Variants in IQCE observed in about 807,000 individuals in gnomAD.
IQCE encodes IQ domain-containing protein E.
IQCE carries 115 observed loss-of-function variants against 96.0 expected under a neutral mutation model. That is an observed-to-expected ratio of 1.20 (90% CI 1.03 to 1.40). The LOEUF (loss-of-function observed/expected upper bound fraction) is 1.40, where lower values mean the gene tolerates loss of function less well. Ranked by LOEUF, IQCE falls within the 40% of genes most tolerant of loss-of-function variation. IQCE has a pLI of 0.00. For missense variants in IQCE, 1,041 were observed against 909.1 expected (o/e 1.15, Z -1.87); for synonymous variants, 412 against 371.2 (o/e 1.11, Z -1.26).
Position 2,607,212 on chromosome 7 carries a change from C to T in IQCE, c.1954C>T (p.Leu652Phe), listed in dbSNP as rs1784901373. 1.2e-6 allele frequency: 2 copies of T among 1,613,922 alleles called. No individual in the cohort carries two copies. The highest frequency in any genetic ancestry group is 4.5e-5 in the East Asian group (2 of 44,844). Residue 652 changes from leucine (L) to phenylalanine (F), a missense_variant, in exon 21 of 22, where the codon CTC becomes TTC. Leu to Phe is a conservative substitution (Grantham distance 22, BLOSUM62 0). Transcript: ENST00000402050. ...CGGGGACGCCTCCTCCCCACCCTTCCTCGCAGCTCTTCCTGGTAATTTCAT... is the reference window on the plus strand; with the variant it reads ...CGGGGACGCCTCCTCCCCACCCTTCTTCGCAGCTCTTCCTGGTAATTTCAT... Reference protein sequence around the residue: ...THGDASSPPFLAALPDPSPSG... With the variant: ...THGDASSPPFFAALPDPSPSG...
intron 17 of IQCE, among the ~76,000 whole-genome samples, chr7:2,600,099 T>C (rs1784335306): frequency 6.6e-6 from 1 of 152,218 alleles, no homozygotes; most frequent in African/African-American, 2.4e-5. Context: ...TGGCCTTTTT[T>C]TTTTTCTTTT....
At chr7:2,577,124 C>G (rs1223720489) in intron 6 of IQCE, among the ~76,000 whole-genome samples, 1 of 152,240 alleles carries the variant, frequency 6.6e-6, no homozygotes, top group Non-Finnish European at 1.5e-5. Flanking sequence ...CCACCCACCA[C>G]ACACAGAGCC....
intron 18 of IQCE, 34 bp from the exon 19 acceptor site, chr7:2,604,847 C>T (rs553695161): frequency 4.5e-6 from 7 of 1,558,576 alleles, no homozygotes; most frequent in African/African-American, 4.1e-5. Context: ...GGCACTCACA[C>T]CCACTTTTCT....
At position 2,614,422 on chromosome 7, in the gene IQCE, C is replaced by A. The variant is rs984627010; in HGVS notation, c.*4260C>A. The A allele has an allele frequency of 1.3e-5, 2 of 152,238 alleles. No homozygotes were observed. The highest frequency in any genetic ancestry group is 1.5e-5 in the Non-Finnish European group (1 of 68,056). The allele number at this position is 152,238 out of a possible 1,614,324, so 9.4% of individuals were successfully genotyped here. On this transcript the variant is annotated 3_prime_UTR_variant, in exon 22 of 22. Coordinates refer to ENST00000402050, the MANE Select transcript of IQCE (RefSeq NM_152558.5). Reference sequence around the variant, plus strand: ...CTATTTCTCAAGGCTCCCACCTCGCCAAGCTCCCAAGGGCCTGCTGGCAGT... The same window carrying A: ...CTATTTCTCAAGGCTCCCACCTCGCAAAGCTCCCAAGGGCCTGCTGGCAGT...
intron 21 of IQCE, among the ~76,000 whole-genome samples, chr7:2,608,573 G>A (rs562006083): frequency 6.5e-4 from 99 of 152,304 alleles, no homozygotes; most frequent in Non-Finnish European, 1.2e-3. Flanking sequence ...GTACAGACAC[G>A]CAAAGCGGTC....
chr7:2,572,301 A>T lies in IQCE; in HGVS notation c.369A>T (p.Pro123=). ...CLTDTFRVKR[P]HLRRSASNGH... ...CAGACACCTTCAGAGTGAAGAGGCC[A>T]CATCTCAGGCGCTCTGCCAGCAACG... Residue 123 remains proline (P), a synonymous_variant, in exon 5 of 22, where the codon CCA becomes CCT. Transcript: ENST00000402050. 1 of 1,614,130 alleles carries T rather than the reference A, an allele frequency of 6.2e-7. No individual in the cohort carries two copies. Among genetic ancestry groups the T allele is most frequent in the African/African-American group, 1.3e-5 (1 of 75,078 alleles).
At chr7:2,605,726 T>C (rs1400318520) in intron 19 of IQCE, 150 bp from the exon 20 acceptor site, 2 of 649,776 alleles carry the variant, frequency 3.1e-6, no homozygotes, top group East Asian at 6.9e-5. Flanking sequence ...GGCTGTTCAC[T>C]GACCAGCAAT....
At chr7:2,571,792 T>C (rs958198003) in intron 4 of IQCE, 138 bp downstream of exon 4, 4 of 994,882 alleles carry the variant, frequency 4.0e-6, no homozygotes, top group South Asian at 1.6e-5. Context: ...ACATCAAATA[T>C]ACACATCGTA....
chr7:2,581,545 A>T (rs1007914704), intron 8 of IQCE, among the ~76,000 whole-genome samples: 2 of 151,770 alleles, frequency 1.3e-5, no homozygotes, highest in East Asian at 2.0e-4. Context: ...TCCAATTTAA[A>T]AGTTGTCTGT....
intron 11 of IQCE, among the ~76,000 whole-genome samples, chr7:2,585,596 GA>G (rs1198949182): frequency 2.6e-5 from 4 of 152,240 alleles, no homozygotes; most frequent in African/African-American, 9.6e-5. Flanking sequence ...ACAGAAACGT[GA>G]GAGCCACAGC....
At chr7:2,592,191 C>T (rs550547867) in intron 14 of IQCE, among the ~76,000 whole-genome samples, 3 of 152,334 alleles carry the variant, frequency 2.0e-5, no homozygotes, top group South Asian at 4.1e-4. Flanking sequence ...AAGGCCAACC[C>T]GTCACCACTG....
At chr7:2,567,898 G>C (rs533045275) in intron 2 of IQCE, among the ~76,000 whole-genome samples, 11 of 152,282 alleles carry the variant, frequency 7.2e-5, no homozygotes, top group Admixed American at 6.5e-4. Flanking sequence ...GGCAGGGGAT[G>C]CTCCTCTGAT....
intron 17 of IQCE, 69 bp downstream of exon 17, chr7:2,598,701 C>T: frequency 7.3e-7 from 1 of 1,368,124 alleles, no homozygotes; most frequent in Middle Eastern, 2.7e-4. Context: ...GCCACTCACT[C>T]TCCAGGAATG....
At chr7:2,576,901 G>A (rs561890439) in intron 6 of IQCE, among the ~76,000 whole-genome samples, 2 of 152,290 alleles carry the variant, frequency 1.3e-5, no homozygotes, top group Non-Finnish European at 2.9e-5. Context: ...GGGAGAAAAC[G>A]CGTGGTGCGG....
At position 2,613,564 on chromosome 7, in the gene IQCE, A is replaced by G. The variant is rs1263990495; in HGVS notation, c.*3402A>G. On this transcript the variant is annotated 3_prime_UTR_variant, in exon 22 of 22. Transcript: ENST00000402050. ...TACCAAACTGAATCCAGGCAGTGCC[A>G]TGACCCTGGGTGTCCCTTGGTTCAC... is the stretch of plus-strand genomic sequence containing the variant. 1.3e-5 allele frequency: 2 copies of G among 152,316 alleles called. No individual in the cohort carries two copies. Among genetic ancestry groups the G allele is most frequent in the Non-Finnish European group, 2.9e-5 (2 of 68,058 alleles). 9.4% of individuals were successfully genotyped at this position (152,316 alleles called of 1,614,324 possible).
At chr7:2,606,903 A>C (rs937777153) in intron 20 of IQCE, among the ~76,000 whole-genome samples, 3 of 152,092 alleles carry the variant, frequency 2.0e-5, no homozygotes, top group Admixed American at 2.0e-4. Context: ...ATGGTCCCCG[A>C]GGAGATGGAC....
At chr7:2,606,754 G>C (rs576136935) in intron 20 of IQCE, among the ~76,000 whole-genome samples, 1 of 152,280 alleles carries the variant, frequency 6.6e-6, no homozygotes, top group African/African-American at 2.4e-5. Context: ...CCTGGGCGGC[G>C]AGCCCCAGCC....
intron 16 of IQCE, 90 bp downstream of exon 16, chr7:2,595,066 C>G: frequency 2.3e-6 from 2 of 872,372 alleles, no homozygotes; most frequent in Non-Finnish European, 3.9e-6. Flanking sequence ...AGAGTTTTTT[C>G]TGACCAGCCA....
rs146511431 is a variant in IQCE at position 2,576,418 on chromosome 7, T to C, written c.466-1824T>C. 2.6e-3 allele frequency among the ~76,000 whole-genome samples: 402 copies of C among 152,290 alleles called. 16 individuals carry two copies. Among genetic ancestry groups the C allele is most frequent in the Middle Eastern group, 0.017 (5 of 294 alleles). ...AGAAATCCACTACAGAGTCTTTTTT[T>C]TTCTTTTTTTTTGAGACAGAGTCTC... is the stretch of plus-strand genomic sequence containing the variant. On this transcript the variant is annotated intron_variant, in intron 6 of 21. Coordinates refer to ENST00000402050, the MANE Select transcript of IQCE (RefSeq NM_152558.5).
Sources: gnomAD v4.1 joint callset for allele counts (sites outside exome capture counted in the v4.1 genomes callset) on GRCh38, gnomAD v4.1.1 for gene constraint, MANE v1.5 for transcripts, NCBI Gene and HGNC (gene_info 2026-07-23, HGNC 2026-07-21) for gene names.